GNAL: variants seen among roughly 807,000 people sequenced by gnomAD.
GNAL encodes guanine nucleotide-binding protein G(olf) subunit alpha.
Under a neutral mutation model 55.1 loss-of-function variants are expected in GNAL, and 18 were observed. The observed-to-expected ratio is 0.33, with a 90% CI of 0.23 to 0.48. The LOEUF (loss-of-function observed/expected upper bound fraction) is 0.48. Among genes scored for constraint, GNAL ranks in the 20% least tolerant of loss-of-function variants. GNAL has a pLI of 0.99. For synonymous variants in GNAL, 253 were observed against 237.0 expected (o/e 1.07, Z -0.62); for missense variants, 412 against 614.1 (o/e 0.67, Z 3.48).
At chr18:11,859,695 C>T (rs974804442) in intron 5 of GNAL, among the ~76,000 whole-genome samples, 2 of 152,120 alleles carry the variant, frequency 1.3e-5, no homozygotes, top group Non-Finnish European at 2.9e-5. Context: ...TTTGGCCTCT[C>T]AATAGCCCTG....
chr18:11,735,607 C>A (rs1048177553), intron 1 of GNAL, among the ~76,000 whole-genome samples: 8 of 151,738 alleles, frequency 5.3e-5, no homozygotes, highest in African/African-American at 1.9e-4. Context: ...AAAAAGTTGG[C>A]CAGGTGTGGT....
chr18:11,822,061 C>T (rs762357428), intron 4 of GNAL, among the ~76,000 whole-genome samples: 81 of 152,356 alleles, frequency 5.3e-4, no homozygotes, highest in Admixed American at 2.4e-3. Context: ...AGGTCTTGTG[C>T]GTGCAGAGCG....
At chr18:11,772,331 TTAA>T (rs1204292177) in intron 4 of GNAL, among the ~76,000 whole-genome samples, 2 of 152,188 alleles carry the variant, frequency 1.3e-5, no homozygotes, top group Non-Finnish European at 2.9e-5. Flanking sequence ...TACTTAGTAT[TTAA>T]GTCAAATTAC....
At chr18:11,810,251 A>G (rs906665072) in intron 4 of GNAL, among the ~76,000 whole-genome samples, 1 of 152,172 alleles carries the variant, frequency 6.6e-6, no homozygotes, top group African/African-American at 2.4e-5. Context: ...AAAAATAGCC[A>G]GGCGTGGTGG....
chr18:11,837,148 G>A (rs537092529), intron 5 of GNAL, among the ~76,000 whole-genome samples: 5 of 152,034 alleles, frequency 3.3e-5, no homozygotes, highest in South Asian at 2.1e-4. Context: ...ATGCCACCAC[G>A]CCCAGTTAAT....
intron 1 of GNAL, among the ~76,000 whole-genome samples, chr18:11,695,034 T>C (rs765641943): frequency 1.9e-4 from 29 of 151,970 alleles, no homozygotes; most frequent in Non-Finnish European, 4.0e-4. Context: ...GGGCCCTATG[T>C]CCAAATACAG....
At chr18:11,850,262 G>C (rs2035828367) in intron 5 of GNAL, among the ~76,000 whole-genome samples, 1 of 152,208 alleles carries the variant, frequency 6.6e-6, no homozygotes, top group Non-Finnish European at 1.5e-5. Context: ...TCCATGCCCG[G>C]GGTTTGGAGC....
At chr18:11,879,278 C>G (rs1175098366) in intron 11 of GNAL, among the ~76,000 whole-genome samples, 2 of 151,886 alleles carry the variant, frequency 1.3e-5, no homozygotes, top group African/African-American at 4.8e-5. Context: ...CCAAGCAGCT[C>G]TCTAAAGGCT....
chr18:11,808,179 G>A (rs763095191), intron 4 of GNAL, among the ~76,000 whole-genome samples: 1 of 151,986 alleles, frequency 6.6e-6, no homozygotes, highest in Non-Finnish European at 1.5e-5. Flanking sequence ...GGAAGGAATC[G>A]CCACTCTCCC....
intron 4 of GNAL, among the ~76,000 whole-genome samples, chr18:11,776,008 AG>A (rs2033772144): frequency 6.6e-6 from 1 of 152,224 alleles, no homozygotes; most frequent in South Asian, 2.1e-4. Context: ...CCTAGAGAAA[AG>A]GTGTCTCCGG....
chr18:11,697,888 C>G (rs1034936901), intron 1 of GNAL, among the ~76,000 whole-genome samples: 1 of 152,122 alleles, frequency 6.6e-6, no homozygotes, highest in African/African-American at 2.4e-5. Context: ...TGGGCATTTG[C>G]CTTGGGTCTC....
intron 5 of GNAL, among the ~76,000 whole-genome samples, chr18:11,843,207 A>G (rs868279836): frequency 6.6e-6 from 1 of 151,890 alleles, no homozygotes; most frequent in African/African-American, 2.4e-5. Flanking sequence ...AAAAAAAAAA[A>G]GAAAAAAGGG....
chr18:11,691,807 C>T (rs928331096), intron 1 of GNAL, among the ~76,000 whole-genome samples: 6 of 152,144 alleles, frequency 3.9e-5, no homozygotes, highest in South Asian at 2.1e-4. Flanking sequence ...GAGATTTGCT[C>T]CGCTTGAGAA....
At chr18:11,734,013 G>A (rs2032403281) in intron 1 of GNAL, among the ~76,000 whole-genome samples, 1 of 152,102 alleles carries the variant, frequency 6.6e-6, no homozygotes, top group Non-Finnish European at 1.5e-5. Flanking sequence ...TCACCAGAAG[G>A]GATGAAGATG....
intron 4 of GNAL, among the ~76,000 whole-genome samples, chr18:11,759,201 AAAG>A (rs1226820172): frequency 1.3e-5 from 2 of 152,182 alleles, no homozygotes; most frequent in Admixed American, 6.5e-5. Flanking sequence ...AGAAAAGAAA[AAAG>A]AAGAAAAATG....
Position 11,755,517 on chromosome 18 carries a change from C to T in GNAL, c.624+1572C>T, listed in dbSNP as rs1490140489. On this transcript the variant is annotated intron_variant, in intron 4 of 11. Coordinates refer to ENST00000334049, the MANE Select transcript of GNAL (RefSeq NM_182978.4). The stretch of plus-strand genomic sequence containing the variant: ...GTCTCGATCTCCTGACCTCATGATC[C>T]ACCCGCCTCGGCCTCCCAAAGTGCT... Among the ~76,000 whole-genome samples, 34 of 152,124 alleles carry T rather than the reference C, an allele frequency of 2.2e-4. 1 individual carries two copies. The highest frequency in any genetic ancestry group is 2.2e-3 in the Admixed American group (34 of 15,272).
At chr18:11,697,386 AAATTAGCTGGTTACCAGCTAACTTTT>A (rs1231992861) in intron 1 of GNAL, among the ~76,000 whole-genome samples, 5 of 152,124 alleles carry the variant, frequency 3.3e-5, no homozygotes, top group South Asian at 4.2e-4. Flanking sequence ...AAAAATACAA[AAATTAGCTGGTTACCAGCTAACTTTT>A]AATTAGCTGG....
rs146191801 is a variant in GNAL, at chr18:11,711,216, T to A, written c.376+21277T>A. The stretch of plus-strand genomic sequence containing the variant: ...TTGGCTTTATCCTGTTCGTGATTCA[T>A]TGAGCTTCATGAATCCGGATATCCA... On this transcript the variant is annotated intron_variant, in intron 1 of 11. Coordinates refer to ENST00000334049, the MANE Select transcript of GNAL (RefSeq NM_182978.4). 2.2e-3 allele frequency among the ~76,000 whole-genome samples: 341 copies of A among 152,330 alleles called. 1 individual carries two copies. The highest frequency in any genetic ancestry group is 8.0e-3 in the African/African-American group (332 of 41,582).
intron 1 of GNAL, among the ~76,000 whole-genome samples, chr18:11,748,662 A>G (rs994785037): frequency 6.6e-6 from 1 of 152,202 alleles, no homozygotes; most frequent in Non-Finnish European, 1.5e-5. Flanking sequence ...ACTTCCTTAA[A>G]AATGTGACTT....
Sources: allele counts gnomAD v4.1 joint callset (sites outside exome capture counted in the v4.1 genomes callset), GRCh38; gene constraint gnomAD v4.1.1; transcripts MANE v1.5; gene names NCBI Gene and HGNC (gene_info 2026-07-23, HGNC 2026-07-21).